The following FNDC3A variants were observed in gnomAD, a reference collection of about 807,000 sequenced individuals.
The protein encoded by FNDC3A is fibronectin type III domain containing 3A, also known as fibronectin type-III domain-containing protein 3A.
A neutral mutation model predicts 148.9 loss-of-function variants in FNDC3A; 32 were observed. That is an observed-to-expected ratio of 0.21 (90% CI 0.16 to 0.29). FNDC3A has a LOEUF of 0.29. FNDC3A is among the 10% of genes least tolerant of loss of function. The probability of loss-of-function intolerance (pLI) is 1.00; values close to 1 mark genes in which losing one functional copy is unlikely to be tolerated. For synonymous variants in FNDC3A, 472 were observed against 473.6 expected, an observed-to-expected ratio of 1.00 and a Z score of 0.04; for missense variants, 1,191 against 1,452.8, an observed-to-expected ratio of 0.82 and a Z score of 2.93.
At chr13:49,205,993 C>G (rs193089858) in intron 25 of FNDC3A, among the ~76,000 whole-genome samples, 2 of 152,066 alleles carry the variant, frequency 1.3e-5, no homozygotes, top group Admixed American at 1.3e-4. Flanking sequence ...TTGAAAGCCC[C>G]CATGTGTTGG....
chr13:49,056,533 T>C (rs987557339), intron 2 of FNDC3A, among the ~76,000 whole-genome samples: 1 of 152,228 alleles, frequency 6.6e-6, no homozygotes, highest in Admixed American at 6.5e-5. Context: ...TGTCTTTAAA[T>C]GTTGCCTTTC....
At chr13:49,066,033 G>A (rs901586261) in intron 2 of FNDC3A, among the ~76,000 whole-genome samples, 6 of 152,182 alleles carry the variant, frequency 3.9e-5, no homozygotes, top group African/African-American at 1.4e-4. Flanking sequence ...GATTTTTTGA[G>A]TATATAATAA....
chr13:49,116,699 TC>T (rs1460979798), intron 4 of FNDC3A, among the ~76,000 whole-genome samples: 2 of 150,876 alleles, frequency 1.3e-5, no homozygotes, highest in East Asian at 3.9e-4. Context: ...AGCAGGAGAA[TC>T]GCTTGAACCT....
At chr13:48,994,277 AAG>A (rs1240252876) in intron 1 of FNDC3A, among the ~76,000 whole-genome samples, 1 of 152,232 alleles carries the variant, frequency 6.6e-6, no homozygotes, top group Non-Finnish European at 1.5e-5. Flanking sequence ...CTTAGATTAA[AAG>A]AGGTTTTTAA....
At chr13:49,131,448 A>C (rs944631158) in intron 5 of FNDC3A, 74 bp downstream of exon 5, 2 of 1,080,740 alleles carry the variant, frequency 1.9e-6, no homozygotes, top group African/African-American at 3.1e-5. Flanking sequence ...TGCCATTATC[A>C]TATCACATTA....
At chr13:49,197,938 C>A (rs1413883423) in intron 21 of FNDC3A, 44 bp from the exon 22 acceptor site, 3 of 1,590,526 alleles carry the variant, frequency 1.9e-6, no homozygotes, top group Non-Finnish European at 1.7e-6. Flanking sequence ...TTGGCATTTT[C>A]ATGGTCATGA....
chr13:49,045,064 TCCTTTC>T (rs956486559), intron 2 of FNDC3A: 11 of 186,870 alleles, frequency 5.9e-5, no homozygotes, highest in African/African-American at 1.8e-4. Flanking sequence ...CTTTCCCTTT[TCCTTTC>T]CCTTTCCCTT....
At chr13:49,177,557 A>G (rs1319460046) in intron 13 of FNDC3A, among the ~76,000 whole-genome samples, 1 of 152,214 alleles carries the variant, frequency 6.6e-6, no homozygotes, top group African/African-American at 2.4e-5. Context: ...TTGAAAACAC[A>G]TGTTCATACA....
chr13:49,051,163 T>G (rs960842961), intron 2 of FNDC3A, among the ~76,000 whole-genome samples: 20 of 152,228 alleles, frequency 1.3e-4, no homozygotes, highest in Non-Finnish European at 2.5e-4. Context: ...AGTATTGAGA[T>G]GTGAGATACT....
At chr13:49,071,785 C>T (rs1051702098) in intron 2 of FNDC3A, among the ~76,000 whole-genome samples, 51 of 151,464 alleles carry the variant, frequency 3.4e-4, no homozygotes, top group Admixed American at 9.2e-4. Context: ...TTATTAATGC[C>T]CTGCCAGATA....
rs75760499 is a variant in FNDC3A, at chr13:48,978,954, A to G, written c.-40+2777A>G. Among the ~76,000 whole-genome samples the G allele has an allele frequency of 9.6e-3, 1,458 of 152,268 alleles. 14 individuals carry two copies. Among genetic ancestry groups the G allele is most frequent in the African/African-American group, 0.023 (950 of 41,562 alleles). On this transcript the variant is annotated intron_variant, in intron 1 of 25. Transcript: ENST00000492622. ...TATTTTGGTCTTATTTCAGATAATT[A>G]TTCAGTGGTCTCTTTTTATATCTTT...
Position 49,207,621 on chromosome 13 carries a change from CT to C in FNDC3A, c.*233del, listed in dbSNP as rs969641100. 51 of 396,760 alleles carry C rather than the reference CT, an allele frequency of 1.3e-4. No individual in the cohort carries two copies. Among genetic ancestry groups the C allele is most frequent in the Non-Finnish European group, 1.9e-4 (42 of 222,560 alleles). 24.6% of individuals were successfully genotyped at this position (396,760 alleles called of 1,614,324 possible). ...TGTTTTTTTTGTTAGGGTGGGTCTT[CT>C]TTTTTTCTTTCCCTCTCTCTTTTTT... On this transcript the variant is annotated 3_prime_UTR_variant, in exon 26 of 26. Transcript: ENST00000492622.
intron 24 of FNDC3A, 33 bp downstream of exon 24, chr13:49,201,999 T>C (rs1042474984): frequency 1.2e-5 from 16 of 1,321,916 alleles, no homozygotes; most frequent in Admixed American, 2.8e-5. Flanking sequence ...ATTTTCTTTA[T>C]AATAAATTAC....
intron 7 of FNDC3A, among the ~76,000 whole-genome samples, chr13:49,144,130 T>G (rs1006250480): frequency 6.6e-6 from 1 of 151,896 alleles, no homozygotes; most frequent in Admixed American, 6.6e-5. Flanking sequence ...ACACAACTAT[T>G]ATCATCCCAT....
intron 2 of FNDC3A, among the ~76,000 whole-genome samples, chr13:49,021,771 A>G (rs1873343522): frequency 6.6e-6 from 1 of 152,196 alleles, no homozygotes; most frequent in Non-Finnish European, 1.5e-5. Flanking sequence ...TTGGAGGTTA[A>G]CACTGTGTCA....
intron 19 of FNDC3A, 27 bp from the exon 20 acceptor site, chr13:49,196,847 TAAA>T: frequency 7.9e-7 from 1 of 1,268,638 alleles, no homozygotes; most frequent in Non-Finnish European, 1.1e-6. Context: ...GGGTGAAAAA[TAAA>T]AACACTAGTT....
At chr13:49,026,240 G>A (rs1435461148) in intron 2 of FNDC3A, among the ~76,000 whole-genome samples, 1 of 152,150 alleles carries the variant, frequency 6.6e-6, no homozygotes, top group African/African-American at 2.4e-5. Context: ...TACTAATAAT[G>A]GATGTATATA....
At chr13:49,102,297 T>C (rs1183959913) in intron 3 of FNDC3A, among the ~76,000 whole-genome samples, 1 of 152,196 alleles carries the variant, frequency 6.6e-6, no homozygotes, top group Non-Finnish European at 1.5e-5. Flanking sequence ...GTTGAGCTAC[T>C]AATTCACTGA....
intron 8 of FNDC3A, among the ~76,000 whole-genome samples, chr13:49,165,571 A>C (rs1395310686): frequency 6.6e-6 from 1 of 152,118 alleles, no homozygotes; most frequent in Non-Finnish European, 1.5e-5. Context: ...AGCAGGCCCA[A>C]GCCTACCTGT....
Sources: gnomAD v4.1 joint callset for allele counts (sites outside exome capture counted in the v4.1 genomes callset) on GRCh38, gnomAD v4.1.1 for gene constraint, MANE v1.5 for transcripts, NCBI Gene and HGNC (gene_info 2026-07-23, HGNC 2026-07-21) for gene names.